IPO7: variants seen among roughly 807,000 people sequenced by gnomAD.
IPO7 encodes the protein importin 7.
In IPO7, 13 loss-of-function variants were observed where a neutral mutation model predicts 136.4. The observed-to-expected ratio is 0.10, with a 90% confidence interval of 0.06 to 0.15. The LOEUF (loss-of-function observed/expected upper bound fraction) is 0.15, where lower values mean the gene tolerates loss of function less well. IPO7 is among the 10% of genes least tolerant of loss of function. IPO7 has a pLI of 1.00. For synonymous variants in IPO7, 403 were observed against 404.4 expected, an observed-to-expected ratio of 1.00 and a Z score of 0.04; for missense variants, 857 against 1,240.6, an observed-to-expected ratio of 0.69 and a Z score of 4.65.
intron 1 of IPO7, among the ~76,000 whole-genome samples, chr11:9,396,484 T>C (rs1254126546): frequency 1.3e-5 from 2 of 152,228 alleles, no homozygotes; most frequent in East Asian, 1.9e-4. Context: ...CAGTGGCTTT[T>C]AGTATGTTCA....
chr11:9,384,688 T>C lies in IPO7; in HGVS notation c.-76T>C. The C allele has an allele frequency of 1.6e-6, 2 of 1,224,468 alleles. No individual in the cohort carries two copies. The highest frequency in any genetic ancestry group is 2.3e-6 in the Non-Finnish European group (2 of 874,134). 75.9% of individuals were successfully genotyped at this position (1,224,468 alleles called of 1,614,324 possible). On this transcript the variant is annotated 5_prime_UTR_variant, in exon 1 of 25. Coordinates refer to ENST00000379719, the MANE Select transcript of IPO7 (RefSeq NM_006391.3). ...GGTTGCCGCTGCGGAGCGCGGCGGG[T>C]CCATGTGCGCAGTGAGTGGCGCTAT...
At chr11:9,387,239 C>G (rs1192739185) in intron 1 of IPO7, among the ~76,000 whole-genome samples, 1 of 152,204 alleles carries the variant, frequency 6.6e-6, no homozygotes, top group Non-Finnish European at 1.5e-5. Context: ...TTGAATGAAT[C>G]TCTTCACAAA....
At chr11:9,428,772 T>C (rs1440995208) in intron 13 of IPO7, 143 bp downstream of exon 13, 1 of 785,740 alleles carries the variant, frequency 1.3e-6, no homozygotes, top group Non-Finnish European at 2.4e-6. Context: ...TTTACATGGC[T>C]GCTGTAATGT....
intron 6 of IPO7, 147 bp downstream of exon 6, chr11:9,417,295 T>G: frequency 2.1e-6 from 1 of 475,400 alleles, no homozygotes; most frequent in Non-Finnish European, 3.7e-6. Flanking sequence ...ACCTTTTCAT[T>G]TGTTTATATA....
chr11:9,393,017 T>G (rs536836736), intron 1 of IPO7, among the ~76,000 whole-genome samples: 2 of 151,662 alleles, frequency 1.3e-5, no homozygotes, highest in Admixed American at 1.3e-4. Flanking sequence ...AGTGATTACA[T>G]TGGAAAATGT....
intron 24 of IPO7, among the ~76,000 whole-genome samples, chr11:9,442,441 T>A (rs1855472045): frequency 6.6e-6 from 1 of 151,970 alleles, no homozygotes; most frequent in African/African-American, 2.4e-5. Flanking sequence ...TGAGATGGCG[T>A]CTTGCTCTGT....
chr11:9,384,758 G>T lies in IPO7; in HGVS notation c.-6G>T, dbSNP rs760056986. Reference sequence around the variant, plus strand: ...GAGCCCCGGGTTTGACCGAGTCCGCGCTGCGATGGACCCCAACACCATTAT... The same window carrying T: ...GAGCCCCGGGTTTGACCGAGTCCGCTCTGCGATGGACCCCAACACCATTAT... On this transcript the variant is annotated 5_prime_UTR_variant, in exon 1 of 25. Transcript: ENST00000379719. 1.3e-6 allele frequency: 2 copies of T among 1,597,128 alleles called. No individual in the cohort carries two copies. Among genetic ancestry groups the T allele is most frequent in the African/African-American group, 1.3e-5 (1 of 74,166 alleles).
chr11:9,388,129 A>G (rs903738790), intron 1 of IPO7, among the ~76,000 whole-genome samples: 8 of 151,972 alleles, frequency 5.3e-5, no homozygotes, highest in African/African-American at 1.9e-4. Flanking sequence ...CCTGAGCAAC[A>G]AGAGCGAAAC....
rs767421032 is a variant in IPO7, at chr11:9,428,725, C to A, written c.1425+96C>A. 2.0e-5 allele frequency: 16 copies of A among 816,784 alleles called. No homozygotes were observed. In the East Asian group the frequency reaches 3.4e-4, roughly 17 times the overall value. 50.6% of individuals were successfully genotyped at this position (816,784 alleles called of 1,614,324 possible). On this transcript the variant is annotated intron_variant, in intron 13 of 24. Transcript: ENST00000379719. Reference sequence around the variant, plus strand: ...AAACTTTTAAATGTTCACTTTGAAGCCTGTGTCTTATTTTAGGTTTCTGTT... The same window carrying A: ...AAACTTTTAAATGTTCACTTTGAAGACTGTGTCTTATTTTAGGTTTCTGTT...
At chr11:9,395,891 A>ATT (rs112796972) in intron 1 of IPO7, among the ~76,000 whole-genome samples, 1 of 145,572 alleles carries the variant, frequency 6.9e-6, no homozygotes, top group African/African-American at 2.5e-5. Context: ...TAATTTTTGT[A>ATT]TTTTTTTTTT....
chr11:9,411,514 G>T (rs1398654595), intron 4 of IPO7, among the ~76,000 whole-genome samples: 1 of 152,150 alleles, frequency 6.6e-6, no homozygotes. Context: ...CTGCTTAATG[G>T]TGCTGATAAT....
intron 1 of IPO7, among the ~76,000 whole-genome samples, chr11:9,397,028 A>T (rs370619802): frequency 6.6e-6 from 1 of 151,674 alleles, no homozygotes; most frequent in South Asian, 2.1e-4. Context: ...CCAAGTTACT[A>T]TTTTTCTGAC....
intron 24 of IPO7, among the ~76,000 whole-genome samples, chr11:9,444,822 G>T (rs941745936): frequency 8.4e-5 from 12 of 142,094 alleles, no homozygotes; most frequent in African/African-American, 2.9e-4. Context: ...GGGTGACAGA[G>T]CCAGACTCTG....
At chr11:9,399,371 G>A (rs1022653233) in intron 1 of IPO7, among the ~76,000 whole-genome samples, 1 of 152,094 alleles carries the variant, frequency 6.6e-6, no homozygotes, top group Admixed American at 6.6e-5. Context: ...ATGTTGGTCA[G>A]GCTGGTCTTG....
chr11:9,434,942 C>A lies in IPO7; in HGVS notation c.2083C>A (p.Pro695Thr). ...GTTTTTTATTAATACAGATATGATG[C>A]CCCTCCTTCATAATTATGTAACAGT... ...DGFDYFTDMMPLLHNYVTVDT... is the reference protein window; with the variant it reads ...DGFDYFTDMMTLLHNYVTVDT... Residue 695 changes from proline to threonine, a missense_variant, in exon 19 of 25, where the codon CCC becomes ACC. Around this residue, in one of 11 missense-constraint regions of IPO7, gnomAD observed 190 missense variants for 249.0 expected, o/e 0.76. Coordinates refer to ENST00000379719, the MANE Select transcript of IPO7 (RefSeq NM_006391.3). The A allele has an allele frequency of 6.4e-7, 1 of 1,569,862 alleles. No individual in the cohort carries two copies. Among genetic ancestry groups the A allele is most frequent in the Non-Finnish European group, 8.8e-7 (1 of 1,140,950 alleles).
chr11:9,409,901 T>G, intron 3 of IPO7, 27 bp from the exon 4 acceptor site: 1 of 1,490,806 alleles, frequency 6.7e-7, no homozygotes, highest in Non-Finnish European at 8.9e-7. Context: ...TAGGATTTTT[T>G]CCTTACTGTT....
Position 9,408,546 on chromosome 11 carries a change from G to T in IPO7, c.227G>T (p.Gly76Val), listed in dbSNP as rs148503390. The T allele has an allele frequency of 5.9e-5, 95 of 1,607,778 alleles. No individual in the cohort carries two copies. The African/African-American group carries it at 1.2e-3, about 19-fold the overall frequency. ...QYWPDRETAP[G>V]DISPYTIPEE... Reference sequence around the variant, plus strand: ...TGGCCTGATCGAGAAACAGCACCAGGGGATATATCCCCTTATACTATTCCA... The same window carrying T: ...TGGCCTGATCGAGAAACAGCACCAGTGGATATATCCCCTTATACTATTCCA... The change falls in exon 3 of 25, where the codon GGG (glycine) becomes GTG (valine). Residue 76 changes from glycine to valine, a missense_variant. By Grantham distance (109) the Gly-to-Val change is moderately radical. This residue lies in a region of IPO7 where 287 missense variants were observed against 307.5 expected (regional missense o/e 0.93). Transcript: ENST00000379719.
intron 12 of IPO7, among the ~76,000 whole-genome samples, chr11:9,425,644 G>A (rs1256008073): frequency 2.0e-5 from 3 of 152,090 alleles, no homozygotes; most frequent in African/African-American, 7.2e-5. Context: ...GGGAGACCGA[G>A]GTGGGTGGAT....
chr11:9,437,320 C>T (rs570648670), intron 20 of IPO7, among the ~76,000 whole-genome samples: 2 of 127,452 alleles, frequency 1.6e-5, no homozygotes, highest in African/African-American at 2.6e-5. Context: ...TGCAGTGGCG[C>T]GATCTCAGCT....
Sources: allele counts gnomAD v4.1 joint callset (sites outside exome capture counted in the v4.1 genomes callset), GRCh38; gene constraint gnomAD v4.1.1; regional missense constraint gnomAD v4.1.1; transcripts MANE v1.5; gene names NCBI Gene and HGNC (gene_info 2026-07-23, HGNC 2026-07-21).